Variants in EXOC2 observed in about 807,000 individuals in gnomAD.
The protein encoded by EXOC2 is exocyst complex component 2.
In EXOC2, 70 loss-of-function variants were observed where a neutral mutation model predicts 131.8. The observed-to-expected ratio is 0.53, with a 90% CI of 0.44 to 0.65. EXOC2 has a LOEUF of 0.65. EXOC2 is among the 30% of genes least tolerant of loss of function. The pLI is 0.00. For missense variants in EXOC2, 923 were observed against 1,108.6 expected, an observed-to-expected ratio of 0.83 and a Z score of 2.38; for synonymous variants, 411 against 398.4, an observed-to-expected ratio of 1.03 and a Z score of -0.38.
intron 7 of EXOC2, 66 bp from the exon 8 acceptor site, chr6:599,291 G>A: frequency 7.0e-7 from 1 of 1,433,912 alleles, no homozygotes; most frequent in Non-Finnish European, 9.3e-7. Context: ...GTGTAACTGG[G>A]CACTAGAAAC....
At chr6:678,945 T>C (rs866398270) in intron 1 of EXOC2, among the ~76,000 whole-genome samples, 1 of 152,094 alleles carries the variant, frequency 6.6e-6, no homozygotes, top group South Asian at 2.1e-4. Flanking sequence ...ACTTCAAACA[T>C]CTATAGAGTT....
At chr6:566,829 G>A (rs1226683179) in intron 13 of EXOC2, among the ~76,000 whole-genome samples, 1 of 152,020 alleles carries the variant, frequency 6.6e-6, no homozygotes, top group Non-Finnish European at 1.5e-5. Context: ...ATAACTCCCA[G>A]GAATCTCAAT....
Position 489,006 on chromosome 6 carries a change from G to C in EXOC2, c.2654C>G (p.Pro885Arg). ...SSFKQALEAL[P>R]QLSSGADKKL... ...TTTATCTGCTCCACTGGAAAGCTGG[G>C]GCAGGGCTTCCAAAGCCTGCTTAAA... is the stretch of plus-strand genomic sequence containing the variant. Residue 885 changes from proline to arginine, a missense_variant, in exon 27 of 28, where the codon CCC becomes CGC. Transcript: ENST00000230449. 1 of 1,613,888 alleles carries C rather than the reference G, an allele frequency of 6.2e-7. No individual in the cohort carries two copies. Among genetic ancestry groups the C allele is most frequent in the East Asian group, 2.2e-5 (1 of 44,886 alleles).
intron 1 of EXOC2, among the ~76,000 whole-genome samples, chr6:674,417 T>A (rs1764016014): frequency 6.6e-6 from 1 of 152,140 alleles, no homozygotes; most frequent in African/African-American, 2.4e-5. Flanking sequence ...ATGTACCCTG[T>A]TAAAAAAAAA....
chr6:546,065 A>G (rs1393408597), intron 22 of EXOC2, among the ~76,000 whole-genome samples: 1 of 152,150 alleles, frequency 6.6e-6, no homozygotes, highest in East Asian at 1.9e-4. Flanking sequence ...TACTATAAAT[A>G]TTAAAATCGT....
intron 25 of EXOC2, among the ~76,000 whole-genome samples, chr6:496,568 C>A (rs377447207): frequency 2.0e-5 from 3 of 152,188 alleles, no homozygotes; most frequent in Admixed American, 6.5e-5. Flanking sequence ...CCAGAAAGCA[C>A]GTTTTGTCTT....
chr6:556,048 T>G lies in EXOC2; in HGVS notation c.1933-35A>C. On this transcript the variant is annotated intron_variant, in intron 18 of 27. Transcript: ENST00000230449. ...AGAATTTTGATGAAAATTTTTGGAC[T>G]TTGCTAAGAAAAGGTTTTTGTATAT... is the stretch of plus-strand genomic sequence containing the variant. The G allele has an allele frequency of 4.4e-6, 7 of 1,603,216 alleles. No individual in the cohort carries two copies. In the South Asian group the frequency reaches 4.5e-5, roughly 10 times the overall value.
At chr6:574,075 A>C (rs1307648280) in intron 12 of EXOC2, among the ~76,000 whole-genome samples, 1 of 152,150 alleles carries the variant, frequency 6.6e-6, no homozygotes, top group African/African-American at 2.4e-5. Context: ...TTTTCTCCCC[A>C]CAGTTATACT....
intron 1 of EXOC2, among the ~76,000 whole-genome samples, chr6:655,286 A>G (rs1561977363): frequency 6.6e-6 from 1 of 152,244 alleles, no homozygotes; most frequent in Non-Finnish European, 1.5e-5. Flanking sequence ...GGCTCAGATG[A>G]GCAGCAGCAT....
chr6:556,181 G>T (rs1757411357), intron 18 of EXOC2, among the ~76,000 whole-genome samples, 168 bp from the exon 19 acceptor site: 1 of 152,180 alleles, frequency 6.6e-6, no homozygotes, highest in Non-Finnish European at 1.5e-5. Flanking sequence ...GTTCCTTACT[G>T]TAGTGACTTG....
intron 2 of EXOC2, among the ~76,000 whole-genome samples, chr6:633,449 T>G (rs1373018142): frequency 6.6e-6 from 1 of 152,254 alleles, no homozygotes; most frequent in African/African-American, 2.4e-5. Context: ...AAAGGGAAAC[T>G]ACTGCTATTA....
chr6:586,705 G>A (rs1353694421), intron 11 of EXOC2, among the ~76,000 whole-genome samples: 2 of 152,214 alleles, frequency 1.3e-5, no homozygotes, highest in African/African-American at 4.8e-5. Context: ...GTAACTCAGA[G>A]GGAGGTGTTC....
intron 1 of EXOC2, chr6:669,025 G>A (rs1198643918): frequency 1.3e-5 from 2 of 152,174 alleles, no homozygotes; most frequent in Non-Finnish European, 2.9e-5. Flanking sequence ...CGGAATAAAC[G>A]CTTATGAATG....
chr6:642,971 T>G lies in EXOC2; in HGVS notation c.-43-5110A>C, dbSNP rs181718101. 4.0e-5 allele frequency among the ~76,000 whole-genome samples: 6 copies of G among 149,482 alleles called. No homozygotes were observed. In the East Asian group the frequency reaches 1.2e-3, roughly 29 times the overall value. ...GCAAACAAATCTGTATGACAAGAAA[T>G]GCTGAAAGAAGTTCTTCAATCTGAA... On this transcript the variant is annotated intron_variant, in intron 1 of 27. Coordinates refer to ENST00000230449, the MANE Select transcript of EXOC2 (RefSeq NM_018303.6).
intron 20 of EXOC2, 40 bp from the exon 21 acceptor site, chr6:553,960 A>G (rs1232953798): frequency 1.3e-6 from 2 of 1,513,950 alleles, no homozygotes; most frequent in Non-Finnish European, 9.2e-7. Context: ...CAAATAAAGC[A>G]CTCAAATTCA....
At chr6:599,909 G>C (rs188398849) in intron 7 of EXOC2, among the ~76,000 whole-genome samples, 1 of 151,658 alleles carries the variant, frequency 6.6e-6, no homozygotes, top group East Asian at 1.9e-4. Flanking sequence ...TGTAATGAAA[G>C]AGTTGCTTTA....
chr6:489,066 T>G (rs1393837120), intron 26 of EXOC2, 28 bp from the exon 27 acceptor site: 17 of 1,612,726 alleles, frequency 1.1e-5, no homozygotes, highest in Non-Finnish European at 1.4e-5. Flanking sequence ...ACACTGAAGT[T>G]GAAGCCTTGC....
chr6:654,125 CA>C (rs1172263126), intron 1 of EXOC2, among the ~76,000 whole-genome samples: 2 of 152,210 alleles, frequency 1.3e-5, no homozygotes, highest in African/African-American at 2.4e-5. Flanking sequence ...CCTGGTCACT[CA>C]AGAGTTCTGG....
chr6:684,209 G>C (rs574415253), intron 1 of EXOC2, among the ~76,000 whole-genome samples: 1 of 152,278 alleles, frequency 6.6e-6, no homozygotes, highest in Admixed American at 6.5e-5. Context: ...CGCAGGAAGA[G>C]GGGGAGGGGA....
Sources: gnomAD v4.1 joint callset for allele counts (sites outside exome capture counted in the v4.1 genomes callset) on GRCh38, gnomAD v4.1.1 for gene constraint, MANE v1.5 for transcripts, NCBI Gene and HGNC (gene_info 2026-07-23, HGNC 2026-07-21) for gene names.